GRM5: variants seen among roughly 807,000 people sequenced by gnomAD.
The protein encoded by GRM5 is metabotropic glutamate receptor 5.
In GRM5, 19 loss-of-function variants were observed where a neutral mutation model predicts 83.1. The ratio of observed to expected loss-of-function variants is 0.23; its 90% CI spans 0.16 to 0.34. The LOEUF (loss-of-function observed/expected upper bound fraction) is 0.34. GRM5 is among the 10% of genes least tolerant of loss of function. The pLI is 1.00. For synonymous variants in GRM5, 675 were observed against 633.6 expected (o/e 1.07, Z -0.98); for missense variants, 1,160 against 1,588.3 (o/e 0.73, Z 4.58).
intron 3 of GRM5, among the ~76,000 whole-genome samples, chr11:88,681,333 C>T (rs1940480664): frequency 1.3e-5 from 2 of 151,970 alleles, no homozygotes; most frequent in South Asian, 2.1e-4. Context: ...GTCATCTTCT[C>T]TTCAAAACTT....
chr11:89,059,490 G>A (rs977873718), intron 1 of GRM5, among the ~76,000 whole-genome samples: 1 of 152,100 alleles, frequency 6.6e-6, no homozygotes, highest in Non-Finnish European at 1.5e-5. Flanking sequence ...TAAGCTGTAG[G>A]TCAGTATCAT....
Position 88,553,716 on chromosome 11 carries a change from T to C in GRM5, c.2630+13337A>G, listed in dbSNP as rs1942562266. Among the ~76,000 whole-genome samples the C allele has an allele frequency of 2.0e-5, 3 of 152,196 alleles. No individual in the cohort carries two copies. The South Asian group carries it at 6.2e-4, about 31-fold the overall frequency. On this transcript the variant is annotated intron_variant, in intron 8 of 9. Coordinates refer to ENST00000305447, the MANE Select transcript of GRM5 (RefSeq NM_001143831.3). ...TTGTATTACCACGACAGTGATTTACTGAGTATCTACTCAGAGCCAACCTAG... is the reference window on the plus strand; with the variant it reads ...TTGTATTACCACGACAGTGATTTACCGAGTATCTACTCAGAGCCAACCTAG...
intron 3 of GRM5, among the ~76,000 whole-genome samples, chr11:88,802,438 AACAGAAAG>A (rs1236245729): frequency 2.0e-5 from 3 of 152,078 alleles, no homozygotes; most frequent in African/African-American, 7.2e-5. Flanking sequence ...ACAACTCAGA[AACAGAAAG>A]TCAATAGATG....
At chr11:88,791,543 G>T (rs767039585) in intron 3 of GRM5, among the ~76,000 whole-genome samples, 1 of 152,008 alleles carries the variant, frequency 6.6e-6, no homozygotes, top group Admixed American at 6.6e-5. Flanking sequence ...TAATAAGGAT[G>T]CAATAAATGG....
intron 3 of GRM5, among the ~76,000 whole-genome samples, chr11:88,758,394 C>A (rs546033707): frequency 6.6e-6 from 1 of 152,106 alleles, no homozygotes; most frequent in East Asian, 1.9e-4. Context: ...ATGTAACCAA[C>A]CCAATAGACG....
intron 3 of GRM5, among the ~76,000 whole-genome samples, chr11:88,781,067 A>G (rs1942965315): frequency 6.6e-6 from 1 of 151,102 alleles, no homozygotes; most frequent in Admixed American, 6.6e-5. Flanking sequence ...AGCTGGAAAA[A>G]CACATAAATT....
At chr11:88,690,680 G>A (rs1172920974) in intron 3 of GRM5, among the ~76,000 whole-genome samples, 2 of 152,136 alleles carry the variant, frequency 1.3e-5, no homozygotes, top group African/African-American at 2.4e-5. Flanking sequence ...CCCTCCCCTC[G>A]AGGATTTGTC....
chr11:88,904,566 G>C (rs1945372205), intron 2 of GRM5, among the ~76,000 whole-genome samples: 1 of 152,038 alleles, frequency 6.6e-6, no homozygotes, highest in African/African-American at 2.4e-5. Context: ...AATAGCTTTA[G>C]CTTGTATACT....
chr11:88,845,309 G>C (rs1458363456), intron 3 of GRM5, among the ~76,000 whole-genome samples: 1 of 136,178 alleles, frequency 7.3e-6, no homozygotes, highest in Non-Finnish European at 1.6e-5. Context: ...TGAAGGCTCA[G>C]ATGATCACTT....
chr11:88,905,390 C>T (rs1945385638), intron 2 of GRM5, among the ~76,000 whole-genome samples: 1 of 152,184 alleles, frequency 6.6e-6, no homozygotes, highest in South Asian at 2.1e-4. Flanking sequence ...GTCACCCAGA[C>T]TGGAGTGCAG....
At chr11:89,038,700 C>A (rs1941453389) in intron 2 of GRM5, among the ~76,000 whole-genome samples, 1 of 152,292 alleles carries the variant, frequency 6.6e-6, no homozygotes, top group East Asian at 1.9e-4. Flanking sequence ...TCAAAAGATA[C>A]TCTCAGTGGA....
intron 8 of GRM5, among the ~76,000 whole-genome samples, chr11:88,536,804 T>C (rs1408471742): frequency 6.6e-6 from 1 of 152,212 alleles, no homozygotes; most frequent in African/African-American, 2.4e-5. Flanking sequence ...CCACATTCCT[T>C]TTGGGACCAT....
At chr11:88,831,973 T>G (rs1204713794) in intron 3 of GRM5, among the ~76,000 whole-genome samples, 1 of 152,184 alleles carries the variant, frequency 6.6e-6, no homozygotes, top group Non-Finnish European at 1.5e-5. Context: ...ACATTTAGCC[T>G]GCCATTGCCA....
chr11:88,957,088 G>A (rs1355113962), intron 2 of GRM5, among the ~76,000 whole-genome samples: 1 of 152,230 alleles, frequency 6.6e-6, no homozygotes, highest in Non-Finnish European at 1.5e-5. Flanking sequence ...CTATGCAAAT[G>A]TGAAAGGATG....
intron 3 of GRM5, among the ~76,000 whole-genome samples, chr11:88,730,195 C>T (rs1941775826): frequency 6.6e-6 from 1 of 151,888 alleles, no homozygotes; most frequent in Non-Finnish European, 1.5e-5. Flanking sequence ...GAAAAGACAA[C>T]CCCATCAAAA....
chr11:88,829,032 A>C (rs543096216), intron 3 of GRM5, among the ~76,000 whole-genome samples: 16 of 151,594 alleles, frequency 1.1e-4, no homozygotes, highest in African/African-American at 3.9e-4. Context: ...TAATTTTATA[A>C]TTAGAAAAAA....
intron 2 of GRM5, among the ~76,000 whole-genome samples, chr11:89,040,805 A>T (rs1941513580): frequency 6.6e-6 from 1 of 151,822 alleles, no homozygotes; most frequent in African/African-American, 2.4e-5. Flanking sequence ...GAGAAGGAGG[A>T]TGGAAGAAAA....
intron 3 of GRM5, among the ~76,000 whole-genome samples, chr11:88,680,795 T>G (rs1940461917): frequency 6.6e-6 from 1 of 152,174 alleles, no homozygotes; most frequent in South Asian, 2.1e-4. Context: ...ACATCACCCT[T>G]ATTGTTTTCC....
rs1941683757 is a variant in GRM5, at chr11:88,521,357, C to T, written c.2726+3952G>A. Among the ~76,000 whole-genome samples, 2 of 152,172 alleles carry T rather than the reference C, an allele frequency of 1.3e-5. 1 individual carries two copies. The highest frequency in any genetic ancestry group is 4.1e-4 in the South Asian group (2 of 4,824). ...GCTTGAACCTGGGAGGCAGAAGTTG[C>T]AGTGAGCCAAGATCGCACCATTGCA... On this transcript the variant is annotated intron_variant, in intron 9 of 9. Coordinates refer to ENST00000305447, the MANE Select transcript of GRM5 (RefSeq NM_001143831.3).
Sources: gnomAD v4.1 joint callset for allele counts (sites outside exome capture counted in the v4.1 genomes callset) on GRCh38, gnomAD v4.1.1 for gene constraint, MANE v1.5 for transcripts, NCBI Gene and HGNC (gene_info 2026-07-23, HGNC 2026-07-21) for gene names.